Variants in VRK2 observed in about 807,000 individuals in gnomAD.
VRK2 encodes the protein VRK serine/threonine kinase 2, also known as serine/threonine-protein kinase VRK2.
In VRK2, 60 loss-of-function variants were observed where a neutral mutation model predicts 57.6. That is an observed-to-expected ratio of 1.04 (90% CI 0.85 to 1.29). The LOEUF (loss-of-function observed/expected upper bound fraction) is 1.29. Among genes scored for constraint, VRK2 ranks in the 50% most tolerant of loss-of-function variants. The pLI, the probability that VRK2 is intolerant of heterozygous loss-of-function variation, is 0.00. For missense variants in VRK2, 705 were observed against 588.1 expected (o/e 1.20, Z -2.06); for synonymous variants, 231 against 199.2 (o/e 1.16, Z -1.35).
intron 1 of VRK2, among the ~76,000 whole-genome samples, chr2:57,984,489 A>G (rs1007077073): frequency 6.6e-6 from 1 of 152,168 alleles, no homozygotes; most frequent in African/African-American, 2.4e-5. Context: ...AATTGTATGG[A>G]TAAGTGCTAA....
At chr2:58,101,113 A>G (rs551621525) in intron 7 of VRK2, among the ~76,000 whole-genome samples, 39 of 151,670 alleles carry the variant, frequency 2.6e-4, no homozygotes, top group Non-Finnish European at 4.7e-4. Context: ...ACAGCATAAT[A>G]ATTATGATTT....
intron 2 of VRK2, among the ~76,000 whole-genome samples, chr2:58,033,063 C>T (rs1229997815): frequency 5.3e-5 from 8 of 152,048 alleles, no homozygotes; most frequent in African/African-American, 1.9e-4. Context: ...TGGGGGGACA[C>T]AGACACTCAG....
intron 7 of VRK2, among the ~76,000 whole-genome samples, chr2:58,094,123 T>G (rs949267837): frequency 2.6e-5 from 4 of 152,196 alleles, no homozygotes; most frequent in East Asian, 1.9e-4. Context: ...TGTTCTTTTG[T>G]CTTAGGATTG....
At chr2:57,966,504 A>G (rs1671921981) in intron 1 of VRK2, among the ~76,000 whole-genome samples, 1 of 152,180 alleles carries the variant, frequency 6.6e-6, no homozygotes. Flanking sequence ...TCCAGTTCCA[A>G]AATAAAAATT....
At chr2:57,943,050 G>T (rs888083793) in intron 1 of VRK2, among the ~76,000 whole-genome samples, 1 of 152,156 alleles carries the variant, frequency 6.6e-6, no homozygotes, top group African/African-American at 2.4e-5. Context: ...AAAATCCACA[G>T]TGTTTCAAGG....
In VRK2 at chr2:58,135,222, C is replaced by T. The variant is rs1250505755; in HGVS notation, c.856+23C>T. The T allele has an allele frequency of 2.5e-6, 4 of 1,613,570 alleles. No individual in the cohort carries two copies. The South Asian group carries it at 4.4e-5, about 18-fold the overall frequency. On this transcript the variant is annotated intron_variant, in intron 10 of 12. Transcript: ENST00000340157. ...GCTGTAAGTCAAATAATAACTTCAA[C>T]CTTCTCTTACGATTTACAGGTTGCC...
intron 1 of VRK2, among the ~76,000 whole-genome samples, chr2:57,908,167 G>A (rs568358133): frequency 6.6e-6 from 1 of 152,212 alleles, no homozygotes; most frequent in African/African-American, 2.4e-5. Flanking sequence ...AGAACTTAGA[G>A]GAGCAGAGCA....
At chr2:58,121,590 G>A (rs1677516269) in intron 7 of VRK2, among the ~76,000 whole-genome samples, 1 of 152,102 alleles carries the variant, frequency 6.6e-6, no homozygotes, top group African/African-American at 2.4e-5. Flanking sequence ...AACAAATGAA[G>A]AAAACTCTGT....
At chr2:58,019,257 C>G (rs935654653) in intron 1 of VRK2, among the ~76,000 whole-genome samples, 1 of 152,140 alleles carries the variant, frequency 6.6e-6, no homozygotes, top group African/African-American at 2.4e-5. Flanking sequence ...ACTAAGAATA[C>G]AAGTAACTAT....
chr2:57,979,841 A>C (rs998882180), intron 1 of VRK2, among the ~76,000 whole-genome samples: 5 of 152,080 alleles, frequency 3.3e-5, no homozygotes, highest in Non-Finnish European at 5.9e-5. Flanking sequence ...TGTTCATAAT[A>C]GTCTCTGAGG....
intron 1 of VRK2, among the ~76,000 whole-genome samples, chr2:57,925,573 T>C (rs1670504682): frequency 6.6e-6 from 1 of 152,102 alleles, no homozygotes; most frequent in East Asian, 1.9e-4. Context: ...CTTTTATTTA[T>C]TTGGGTCTTC....
intron 2 of VRK2, among the ~76,000 whole-genome samples, chr2:58,067,164 C>T (rs1668720610): frequency 6.6e-6 from 1 of 152,146 alleles, no homozygotes; most frequent in African/African-American, 2.4e-5. Context: ...GGACTCACAC[C>T]AGTGGTTTTT....
intron 7 of VRK2, among the ~76,000 whole-genome samples, chr2:58,091,338 C>T (rs553260188): frequency 6.6e-6 from 1 of 152,230 alleles, no homozygotes; most frequent in Non-Finnish European, 1.5e-5. Context: ...GTATTTTCCA[C>T]TCAGTTTTAC....
Position 58,047,497 on chromosome 2 carries a change from G to T in VRK2, c.-6+629G>T, listed in dbSNP as rs537139910. 3.3e-5 allele frequency: 32 copies of T among 983,592 alleles called. No homozygotes were observed. The East Asian group carries it at 3.0e-3, about 91-fold the overall frequency. 60.9% of individuals were successfully genotyped at this position (983,592 alleles called of 1,614,324 possible). On this transcript the variant is annotated intron_variant, in intron 1 of 12. Transcript: ENST00000340157. ...TACATTTCGTAGAGTCTCCCTTACC[G>T]CCTCAAGCCCTGAGGCCGCTGCCTT...
chr2:58,109,419 T>C (rs1014407238), intron 7 of VRK2, among the ~76,000 whole-genome samples: 5 of 151,984 alleles, frequency 3.3e-5, no homozygotes, highest in South Asian at 2.1e-4. Flanking sequence ...TAGTAGTCCA[T>C]TCCCATACTG....
intron 1 of VRK2, among the ~76,000 whole-genome samples, chr2:57,963,956 C>T (rs1417653440): frequency 2.0e-5 from 3 of 152,172 alleles, no homozygotes; most frequent in African/African-American, 4.8e-5. Flanking sequence ...TGTCATGTTA[C>T]CATCTAAAAT....
At chr2:58,151,294 T>A (rs1682983466) in intron 12 of VRK2, among the ~76,000 whole-genome samples, 1 of 151,762 alleles carries the variant, frequency 6.6e-6, no homozygotes, top group Non-Finnish European at 1.5e-5. Flanking sequence ...TAGTTATATG[T>A]TCTTGGTTAA....
chr2:58,022,175 A>G (rs1673777603), intron 1 of VRK2, among the ~76,000 whole-genome samples: 1 of 152,238 alleles, frequency 6.6e-6, no homozygotes, highest in South Asian at 2.1e-4. Flanking sequence ...GGCTCACAAA[A>G]TAGTGTCAGT....
At chr2:58,105,365 C>G (rs923185995) in intron 7 of VRK2, among the ~76,000 whole-genome samples, 1 of 151,386 alleles carries the variant, frequency 6.6e-6, no homozygotes, top group African/African-American at 2.4e-5. Flanking sequence ...AAAAATAACC[C>G]CATTAAAAGA....
Sources: gnomAD v4.1 joint callset for allele counts (sites outside exome capture counted in the v4.1 genomes callset) on GRCh38, gnomAD v4.1.1 for gene constraint, MANE v1.5 for transcripts, NCBI Gene and HGNC (gene_info 2026-07-23, HGNC 2026-07-21) for gene names.